Variants in ZC3H12B observed in about 807,000 individuals in gnomAD.
ZC3H12B encodes the protein probable ribonuclease ZC3H12B.
Under a neutral mutation model 43.9 loss-of-function variants are expected in ZC3H12B, and 7 were observed. The observed-to-expected ratio is 0.16, with a 90% CI of 0.09 to 0.30. The LOEUF is 0.30. Among genes scored for constraint, ZC3H12B ranks in the 10% least tolerant of loss-of-function variants. The probability of loss-of-function intolerance (pLI) is 1.00; values close to 1 mark genes in which losing one functional copy is unlikely to be tolerated. For synonymous variants in ZC3H12B, 222 were observed against 241.7 expected (o/e 0.92, Z 0.76); for missense variants, 475 against 670.2 (o/e 0.71, Z 3.22).
At chrX:65,084,491 G>A in the ZC3H12B span, among the ~76,000 whole-genome samples, 2 of 112,293 alleles carry the variant, frequency 1.8e-5, no homozygotes, top group African/African-American at 6.5e-5. Flanking sequence ...AAATGGCAAA[G>A]AGGCATATGA....
chrX:65,359,394 A>T, the ZC3H12B span, among the ~76,000 whole-genome samples: 1 of 112,109 alleles, frequency 8.9e-6, no homozygotes, highest in South Asian at 3.8e-4. Flanking sequence ...CCTGGGAAAA[A>T]GTAAATTAAA....
intron 3 of ZC3H12B, among the ~76,000 whole-genome samples, chrX:65,411,555 G>A (rs769196338): frequency 1.0e-4 from 11 of 109,546 alleles, no homozygotes; most frequent in South Asian, 4.0e-4. Context: ...GTGAAAACCC[G>A]TCTCTACTAA....
chrX:65,162,408 C>G, the ZC3H12B span, among the ~76,000 whole-genome samples: 1 of 112,152 alleles, frequency 8.9e-6, no homozygotes, highest in African/African-American at 3.2e-5. Flanking sequence ...TTACACCAAT[C>G]AGACGTAGAT....
the ZC3H12B span, among the ~76,000 whole-genome samples, chrX:65,157,336 A>G: frequency 8.9e-6 from 1 of 112,420 alleles, no homozygotes; most frequent in African/African-American, 3.2e-5. Context: ...AGATATGCTC[A>G]ACATCTTAAT....
the ZC3H12B span, among the ~76,000 whole-genome samples, chrX:65,174,919 A>G: frequency 3.0e-4 from 32 of 107,190 alleles, no homozygotes; most frequent in East Asian, 3.5e-3. Context: ...CCAATGGAGG[A>G]AAAAAAAACA....
intron 3 of ZC3H12B, among the ~76,000 whole-genome samples, chrX:65,430,582 G>A (rs1445442107): frequency 1.0e-5 from 1 of 98,825 alleles, no homozygotes; most frequent in Non-Finnish European, 2.0e-5. Context: ...CTATGAGTGA[G>A]AACATGCGGT....
At chrX:65,046,866 ATATT>A in the ZC3H12B span, among the ~76,000 whole-genome samples, 1 of 111,089 alleles carries the variant, frequency 9.0e-6, no homozygotes, top group Admixed American at 9.6e-5. Flanking sequence ...CATGATTTCA[ATATT>A]GTTATGTCTC....
the ZC3H12B span, among the ~76,000 whole-genome samples, chrX:65,150,953 T>G: frequency 8.9e-6 from 1 of 111,875 alleles, no homozygotes; most frequent in Non-Finnish European, 1.9e-5. Context: ...CATTTTATTA[T>G]GAGGTTTTAT....
the ZC3H12B span, among the ~76,000 whole-genome samples, chrX:65,249,892 AC>A: frequency 9.8e-6 from 1 of 101,847 alleles, no homozygotes; most frequent in African/African-American, 3.7e-5. Flanking sequence ...TAGAAGAGCT[AC>A]TTTTGTGTAC....
chrX:65,264,534 A>G, the ZC3H12B span, among the ~76,000 whole-genome samples: 5 of 112,154 alleles, frequency 4.5e-5, no homozygotes, highest in Non-Finnish European at 7.5e-5. Context: ...GCAGACATAG[A>G]TAAAAAAATT....
intron 3 of ZC3H12B, among the ~76,000 whole-genome samples, chrX:65,482,369 A>G (rs766907397): frequency 9.0e-6 from 1 of 111,136 alleles, no homozygotes; most frequent in African/African-American, 3.3e-5. Context: ...GAATCATAGA[A>G]GTGGGCGTGT....
the ZC3H12B span, among the ~76,000 whole-genome samples, chrX:65,166,287 A>T: frequency 9.0e-6 from 1 of 110,969 alleles, no homozygotes; most frequent in African/African-American, 3.3e-5. Context: ...GAGTGAGAAC[A>T]TGCAGTGTTT....
chrX:65,080,490 GAA>G, the ZC3H12B span, among the ~76,000 whole-genome samples: 4 of 110,954 alleles, frequency 3.6e-5, no homozygotes, highest in Non-Finnish European at 7.6e-5. Flanking sequence ...CAAGAGAAAA[GAA>G]ACAATTAACA....
At chrX:65,131,330 G>T in the ZC3H12B span, among the ~76,000 whole-genome samples, 1 of 111,557 alleles carries the variant, frequency 9.0e-6, no homozygotes, top group Non-Finnish European at 1.9e-5. Context: ...GGGAAATGGA[G>T]TGAATGCCAG....
the ZC3H12B span, among the ~76,000 whole-genome samples, chrX:65,313,834 G>A: frequency 8.9e-6 from 1 of 112,002 alleles, no homozygotes; most frequent in African/African-American, 3.2e-5. Context: ...ATCAACAGAT[G>A]CCAACTCTGA....
the ZC3H12B span, among the ~76,000 whole-genome samples, chrX:65,255,342 C>T: frequency 8.9e-6 from 1 of 111,806 alleles, no homozygotes; most frequent in African/African-American, 3.3e-5. Context: ...AAGTATCAGG[C>T]TACCAGTGGA....
the ZC3H12B span, among the ~76,000 whole-genome samples, chrX:65,255,107 G>C: frequency 2.4e-4 from 27 of 112,070 alleles, no homozygotes; most frequent in Admixed American, 2.5e-3. Flanking sequence ...CCTGAAGAGA[G>C]AGAGAGAAAT....
chrX:65,439,565 C>G (rs2067274840), intron 3 of ZC3H12B, among the ~76,000 whole-genome samples: 1 of 111,635 alleles, frequency 9.0e-6, no homozygotes, highest in African/African-American at 3.3e-5. Flanking sequence ...GGCAGTATGC[C>G]TCAATTATAG....
chrX:65,098,225 T>TACACAC, the ZC3H12B span, among the ~76,000 whole-genome samples: 1,842 of 96,144 alleles, frequency 0.019, 57 homozygotes, highest in African/African-American at 0.069. Context: ...CATGTCTTAG[T>TACACAC]ACACACACAC....
Sources: gnomAD v4.1 joint callset for allele counts (sites outside exome capture counted in the v4.1 genomes callset) on GRCh38, gnomAD v4.1.1 for gene constraint, MANE v1.5 for transcripts, NCBI Gene and HGNC (gene_info 2026-07-23, HGNC 2026-07-21) for gene names.